Variants in NFX1 observed in about 807,000 individuals in gnomAD.
NFX1 encodes nuclear transcription factor, X-box binding 1.
A neutral mutation model predicts 137.2 loss-of-function variants in NFX1; 69 were observed. The observed-to-expected ratio is 0.50, with a 90% confidence interval of 0.41 to 0.61. The LOEUF (loss-of-function observed/expected upper bound fraction) is 0.61. Ranked by LOEUF, NFX1 falls within the 20% of genes least tolerant of loss-of-function variation. The probability of loss-of-function intolerance (pLI) is 0.00; values close to 1 mark genes in which losing one functional copy is unlikely to be tolerated. For missense variants in NFX1, 1,167 were observed against 1,391.0 expected (o/e 0.84, Z 2.56); for synonymous variants, 495 against 474.1 (o/e 1.04, Z -0.57).
At chr9:33,348,835 G>A (rs1823530578) in intron 15 of NFX1, 1 of 951,596 alleles carries the variant, frequency 1.1e-6, no homozygotes, top group Non-Finnish European at 1.3e-6. Flanking sequence ...TTTCCTTGCT[G>A]TGGTTAAGAT....
In NFX1 at chr9:33,290,605, C is replaced by T; in HGVS notation, c.25+8C>T. Reference sequence around the variant, plus strand: ...AGGCGCCTCCTGTCTCAGGTATTGTCCCGGCCCGAGCGGGACTGGGCCCCT... The same window carrying T: ...AGGCGCCTCCTGTCTCAGGTATTGTTCCGGCCCGAGCGGGACTGGGCCCCT... On this transcript the variant is annotated splice_region_variant and intron_variant, in intron 1 of 23. Transcript: ENST00000379540. The T allele has an allele frequency of 6.2e-7, 1 of 1,612,748 alleles. No individual in the cohort carries two copies. Among genetic ancestry groups the T allele is most frequent in the South Asian group, 1.1e-5 (1 of 91,000 alleles).
intron 10 of NFX1, among the ~76,000 whole-genome samples, chr9:33,329,530 C>T (rs940849974): frequency 2.0e-5 from 3 of 152,140 alleles, no homozygotes; most frequent in African/African-American, 7.2e-5. Context: ...GAGATTACCT[C>T]TCAGAAGCCA....
intron 3 of NFX1, among the ~76,000 whole-genome samples, chr9:33,301,949 G>C (rs866342520): frequency 2.0e-5 from 3 of 152,168 alleles, no homozygotes; most frequent in Non-Finnish European, 4.4e-5. Context: ...GCGGGCACCT[G>C]TAATCCCAGC....
chr9:33,363,528 T>G (rs1432590084), intron 19 of NFX1, among the ~76,000 whole-genome samples: 1 of 151,934 alleles, frequency 6.6e-6, no homozygotes, highest in Non-Finnish European at 1.5e-5. Context: ...AAGTGATCCA[T>G]CTACCTTGGC....
intron 17 of NFX1, 130 bp from the exon 18 acceptor site, chr9:33,353,956 C>T: frequency 1.3e-6 from 1 of 752,092 alleles, no homozygotes; most frequent in Admixed American, 3.3e-5. Flanking sequence ...TCCCAAAGTG[C>T]TGGGCTTACA....
At chr9:33,333,724 G>A (rs1195440247) in intron 11 of NFX1, among the ~76,000 whole-genome samples, 2 of 152,162 alleles carry the variant, frequency 1.3e-5, no homozygotes, top group African/African-American at 4.8e-5. Flanking sequence ...CAAAATTAAG[G>A]CTGTCTTTGC....
At chr9:33,320,740 A>G (rs1028668072) in intron 9 of NFX1, among the ~76,000 whole-genome samples, 6 of 152,226 alleles carry the variant, frequency 3.9e-5, no homozygotes, top group African/African-American at 1.2e-4. Flanking sequence ...AAAAAAATGG[A>G]AAGTAGGCAA....
At chr9:33,351,812 T>C in intron 16 of NFX1, 22 bp downstream of exon 16, 1 of 1,542,222 alleles carries the variant, frequency 6.5e-7, no homozygotes, top group East Asian at 2.3e-5. Flanking sequence ...TGGCCACAGA[T>C]GCAGCATTGA....
intron 10 of NFX1, among the ~76,000 whole-genome samples, chr9:33,329,657 T>A (rs201302875): frequency 1.9e-4 from 25 of 133,286 alleles, no homozygotes; most frequent in Admixed American, 6.8e-4. Context: ...TTTTTTTTTT[T>A]AATTTTATTT....
At chr9:33,369,134 C>T (rs1824254732) in intron 23 of NFX1, among the ~76,000 whole-genome samples, 2 of 152,038 alleles carry the variant, frequency 1.3e-5, no homozygotes, top group African/African-American at 4.8e-5. Context: ...GGCGCGATCT[C>T]AGCTCACTGC....
At chr9:33,358,404 A>C (rs1206532595) in intron 19 of NFX1, among the ~76,000 whole-genome samples, 1 of 152,082 alleles carries the variant, frequency 6.6e-6, no homozygotes, top group Non-Finnish European at 1.5e-5. Context: ...GATTACAGGC[A>C]TGAGCCACTG....
intron 11 of NFX1, among the ~76,000 whole-genome samples, chr9:33,335,953 T>G (rs1045790026): frequency 9.9e-5 from 15 of 152,240 alleles, no homozygotes; most frequent in African/African-American, 3.6e-4. Flanking sequence ...ATATTAGAAT[T>G]GTTTCTACTT....
chr9:33,336,354 T>C (rs1448967304), intron 11 of NFX1, among the ~76,000 whole-genome samples: 1 of 152,128 alleles, frequency 6.6e-6, no homozygotes, highest in Non-Finnish European at 1.5e-5. Flanking sequence ...TAGCTGGGAT[T>C]ACAGGTGCCC....
Position 33,346,638 on chromosome 9 carries a change from T to C in NFX1, c.2345-400T>C, listed in dbSNP as rs1443747775. On this transcript the variant is annotated intron_variant, in intron 14 of 23. Transcript: ENST00000379540. ...CCTCCCCTTATAGGCAGTAATGAAA[T>C]TGGAAGGAGTCAGCAGAAGCATTTT... Among the ~76,000 whole-genome samples, 3 of 152,112 alleles carry C rather than the reference T, an allele frequency of 2.0e-5. No individual in the cohort carries two copies. In the East Asian group the frequency reaches 5.8e-4, roughly 29 times the overall value.
At chr9:33,324,680 C>T (rs752037717) in intron 9 of NFX1, among the ~76,000 whole-genome samples, 3 of 152,118 alleles carry the variant, frequency 2.0e-5, no homozygotes, top group Admixed American at 6.5e-5. Flanking sequence ...GTAATCCCAG[C>T]ATTTTGGGAG....
At chr9:33,295,987 G>A (rs1281279941) in intron 2 of NFX1, among the ~76,000 whole-genome samples, 1 of 152,180 alleles carries the variant, frequency 6.6e-6, no homozygotes, top group South Asian at 2.1e-4. Context: ...CTAGAGTGCA[G>A]TGGTGCGATC....
intron 9 of NFX1, among the ~76,000 whole-genome samples, chr9:33,324,736 G>A (rs757309589): frequency 1.3e-5 from 2 of 151,758 alleles, no homozygotes; most frequent in African/African-American, 4.8e-5. Flanking sequence ...GACCATCCTG[G>A]CTAACATGGT....
intron 19 of NFX1, among the ~76,000 whole-genome samples, chr9:33,357,340 T>G (rs1243776979): frequency 6.6e-6 from 1 of 151,816 alleles, no homozygotes; most frequent in Admixed American, 6.6e-5. Flanking sequence ...ATCAAATATA[T>G]ATATATATGT....
chr9:33,351,694 G>A lies in NFX1; in HGVS notation c.2559G>A (p.Lys853=), dbSNP rs112720396. 2.5e-5 allele frequency: 41 copies of A among 1,614,080 alleles called. No homozygotes were observed. In the African/African-American group the frequency reaches 3.3e-4, roughly 13 times the overall value. ...AGTGTCTTGTGGATGAGCCCTGCAA[G>A]CAGCCCTGCACCACCCCCAGAGCTG... is the stretch of plus-strand genomic sequence containing the variant. ...KGECLVDEPC[K]QPCTTPRADC... Residue 853 remains lysine, a synonymous_variant, in exon 16 of 24, where the codon AAG becomes AAA. Coordinates refer to ENST00000379540, the MANE Select transcript of NFX1 (RefSeq NM_002504.6).
Sources: gnomAD v4.1 joint callset for allele counts (sites outside exome capture counted in the v4.1 genomes callset) on GRCh38, gnomAD v4.1.1 for gene constraint, MANE v1.5 for transcripts, NCBI Gene and HGNC (gene_info 2026-07-23, HGNC 2026-07-21) for gene names.